PRKN: variants seen among roughly 807,000 people sequenced by gnomAD.
The protein encoded by PRKN is E3 ubiquitin-protein ligase parkin.
A neutral mutation model predicts 59.5 loss-of-function variants in PRKN; 56 were observed. The observed-to-expected ratio is 0.94, with a 90% CI of 0.76 to 1.18. The LOEUF (loss-of-function observed/expected upper bound fraction) is 1.18, where lower values mean the gene tolerates loss of function less well. PRKN is among the 50% of genes most tolerant of loss of function. The probability of loss-of-function intolerance (pLI) is 0.00; values close to 1 mark genes in which losing one functional copy is unlikely to be tolerated. For synonymous variants in PRKN, 250 were observed against 222.1 expected, an observed-to-expected ratio of 1.13 and a Z score of -1.12; for missense variants, 657 against 596.4, an observed-to-expected ratio of 1.10 and a Z score of -1.06.
chr6:162,573,176 G>A (rs1015893460), intron 1 of PRKN, among the ~76,000 whole-genome samples: 3 of 152,134 alleles, frequency 2.0e-5, no homozygotes, highest in African/African-American at 7.2e-5. Context: ...TGAGTTCCAA[G>A]CCTTGGACTG....
chr6:162,221,490 G>A (rs1004421917), intron 3 of PRKN, among the ~76,000 whole-genome samples: 1 of 152,232 alleles, frequency 6.6e-6, no homozygotes, highest in South Asian at 2.1e-4. Context: ...GCTTTATTCA[G>A]TAATTCATAG....
chr6:162,237,665 C>T (rs527617021), intron 3 of PRKN, among the ~76,000 whole-genome samples: 1 of 152,172 alleles, frequency 6.6e-6, no homozygotes, highest in South Asian at 2.1e-4. Context: ...TAAGGAAGAA[C>T]ATTTTAGCAA....
chr6:162,495,883 T>C (rs1013493160), intron 1 of PRKN, among the ~76,000 whole-genome samples: 2 of 152,130 alleles, frequency 1.3e-5, no homozygotes, highest in Non-Finnish European at 2.9e-5. Context: ...TCCTGCCCCC[T>C]TTCCATACAT....
Position 161,353,512 on chromosome 6 carries a change from C to A in PRKN, c.1286-3301G>T, listed in dbSNP as rs1007393040. Among the ~76,000 whole-genome samples, 1 of 152,324 alleles carries A rather than the reference C, an allele frequency of 6.6e-6. No individual in the cohort carries two copies. The highest frequency in any genetic ancestry group is 3.4e-3 in the Middle Eastern group (1 of 294). On this transcript the variant is annotated intron_variant, in intron 11 of 11. Transcript: ENST00000366898. This position sits in a 1 kb window ranked among gnomAD's most constrained non-coding sequence, Gnocchi z 4.8. The stretch of plus-strand genomic sequence containing the variant: ...GCCCCAGAGGACAGGGTTTGGGGAG[C>A]TTCCAGGTTGCTGAACACATGGAGG...
At chr6:162,215,586 G>A (rs1777612568) in intron 3 of PRKN, among the ~76,000 whole-genome samples, 5 of 152,042 alleles carry the variant, frequency 3.3e-5, no homozygotes, top group African/African-American at 1.2e-4. Context: ...CATCATGCAG[G>A]GAAGGTTACA....
chr6:162,614,310 G>A (rs2155506), intron 1 of PRKN, among the ~76,000 whole-genome samples: 123,026 of 152,052 alleles, frequency 0.81, 49,969 homozygotes, highest in East Asian at 0.95. Context: ...AGTCATGAGG[G>A]GGAAGTTTTG....
At chr6:161,569,800 G>A (rs1780801689) in intron 7 of PRKN, among the ~76,000 whole-genome samples, 2 of 152,262 alleles carry the variant, frequency 1.3e-5, no homozygotes, top group Non-Finnish European at 2.9e-5. Context: ...CACAGGCTCT[G>A]ACTTATTCAT....
At chr6:161,817,785 C>G (rs970344834) in intron 6 of PRKN, among the ~76,000 whole-genome samples, 3 of 152,166 alleles carry the variant, frequency 2.0e-5, no homozygotes, top group Non-Finnish European at 2.9e-5. Context: ...AATGACAACG[C>G]TACTCCTACA....
intron 6 of PRKN, among the ~76,000 whole-genome samples, chr6:161,899,850 A>C (rs1372954077): frequency 2.6e-5 from 4 of 152,308 alleles, no homozygotes; most frequent in Non-Finnish European, 4.4e-5. Flanking sequence ...GGGCCGGGCC[A>C]GGCGGCTCTT....
intron 4 of PRKN, among the ~76,000 whole-genome samples, chr6:162,084,008 ATT>A (rs770331698): frequency 6.6e-6 from 1 of 152,104 alleles, no homozygotes; most frequent in African/African-American, 2.4e-5. Flanking sequence ...TTAAAAAATA[ATT>A]TTAGAAAGAA....
At chr6:162,114,199 C>G (rs898193376) in intron 4 of PRKN, among the ~76,000 whole-genome samples, 1 of 152,120 alleles carries the variant, frequency 6.6e-6, no homozygotes, top group East Asian at 1.9e-4. Context: ...GCGATGCGGG[C>G]TCTTTTTTGG....
chr6:161,435,179 T>G (rs563760935), intron 9 of PRKN, among the ~76,000 whole-genome samples: 1 of 152,288 alleles, frequency 6.6e-6, no homozygotes, highest in African/African-American at 2.4e-5. Context: ...TGGGTGGAAT[T>G]CAAAGATTTG....
chr6:161,536,937 C>G (rs1206364172), intron 9 of PRKN, among the ~76,000 whole-genome samples: 1 of 152,190 alleles, frequency 6.6e-6, no homozygotes, highest in Non-Finnish European at 1.5e-5. Flanking sequence ...AGTTCCCATC[C>G]ATCCCATTAC....
chr6:161,759,208 T>C (rs1789085746), intron 7 of PRKN, among the ~76,000 whole-genome samples: 1 of 151,370 alleles, frequency 6.6e-6, no homozygotes. Flanking sequence ...CAAGAGATAA[T>C]CTCTCATTTC....
intron 6 of PRKN, among the ~76,000 whole-genome samples, chr6:161,800,243 G>A (rs530462460): frequency 6.6e-6 from 1 of 152,084 alleles, no homozygotes; most frequent in Non-Finnish European, 1.5e-5. Flanking sequence ...GGCAACGACA[G>A]GTAGACAATA....
At chr6:161,563,671 A>T (rs1195547034) in intron 8 of PRKN, among the ~76,000 whole-genome samples, 1 of 152,200 alleles carries the variant, frequency 6.6e-6, no homozygotes, top group Non-Finnish European at 1.5e-5. Flanking sequence ...ATAGTGTTTA[A>T]TTTTTAATCC....
At chr6:162,599,853 T>C (rs758200522) in intron 1 of PRKN, among the ~76,000 whole-genome samples, 7 of 152,192 alleles carry the variant, frequency 4.6e-5, no homozygotes. Context: ...TTACAAAGCA[T>C]ATACTTCACT....
intron 2 of PRKN, among the ~76,000 whole-genome samples, chr6:162,411,433 A>G (rs1583526243): frequency 1.3e-5 from 2 of 152,240 alleles, no homozygotes; most frequent in South Asian, 4.1e-4. Context: ...GAAGCTTAAC[A>G]TCATGTAACA....
chr6:162,642,460 T>G (rs761695856), intron 1 of PRKN, among the ~76,000 whole-genome samples: 11 of 152,166 alleles, frequency 7.2e-5, no homozygotes, highest in Non-Finnish European at 1.2e-4. Flanking sequence ...ACTCTGGGCC[T>G]TGAAATTATG....
Sources: allele counts gnomAD v4.1 joint callset (sites outside exome capture counted in the v4.1 genomes callset), GRCh38; gene constraint gnomAD v4.1.1; non-coding constraint Gnocchi (gnomAD v3.1); transcripts MANE v1.5; gene names NCBI Gene and HGNC (gene_info 2026-07-23, HGNC 2026-07-21).